Variants in AFF2 observed in about 807,000 individuals in gnomAD.
The protein encoded by AFF2 is AF4/FMR2 family member 2.
AFF2 carries 14 observed loss-of-function variants against 76.9 expected under a neutral mutation model. That is an observed-to-expected ratio of 0.18 (90% CI 0.12 to 0.28). The LOEUF (loss-of-function observed/expected upper bound fraction) is 0.28. Ranked by LOEUF, AFF2 falls within the 10% of genes least tolerant of loss-of-function variation. The pLI, the probability that AFF2 is intolerant of heterozygous loss-of-function variation, is 1.00. For synonymous variants in AFF2, 398 were observed against 366.7 expected, an observed-to-expected ratio of 1.09 and a Z score of -0.98; for missense variants, 868 against 1,001.1, an observed-to-expected ratio of 0.87 and a Z score of 1.79.
chrX:148,889,543 C>A (rs2124159991), intron 8 of AFF2, among the ~76,000 whole-genome samples: 1 of 112,263 alleles, frequency 8.9e-6, no homozygotes, highest in African/African-American at 3.2e-5. Flanking sequence ...GATATGTAAT[C>A]ACACATGTAC....
intron 4 of AFF2, among the ~76,000 whole-genome samples, chrX:148,825,590 G>GTTTT (rs3067275): frequency 1.0e-5 from 1 of 99,740 alleles, no homozygotes; most frequent in Non-Finnish European, 2.0e-5. Context: ...TAATAGAGTA[G>GTTTT]TTTTTTTTTT....
chrX:148,546,407 A>C (rs191223046), intron 1 of AFF2, among the ~76,000 whole-genome samples: 4 of 112,260 alleles, frequency 3.6e-5, no homozygotes, highest in African/African-American at 9.7e-5. Context: ...GCATGTGTGC[A>C]TGCACACACA....
At position 148,953,670 on chromosome X, in the gene AFF2, G is replaced by A. The variant is rs12011040; in HGVS notation, c.1488G>A (p.Ser496=). Residue 496 remains serine, a synonymous_variant, in exon 10 of 21, where the codon TCG becomes TCA. Transcript: ENST00000370460. ...SSSESESSSE[S]DSDTESSTTD... ...GCGAATCGGAGAGCAGCTCTGAGTC[G>A]GATTCAGACACTGAAAGTAGCACCA... The A allele has an allele frequency of 0.056, 67,293 of 1,208,514 alleles. 4,114 individuals carry two copies. The highest frequency in any genetic ancestry group is 0.4 in the African/African-American group (22,574 of 56,524).
At chrX:148,563,118 C>T (rs2053132483) in intron 1 of AFF2, among the ~76,000 whole-genome samples, 1 of 111,245 alleles carries the variant, frequency 9.0e-6, no homozygotes, top group African/African-American at 3.3e-5. Flanking sequence ...ACAAAAGGCC[C>T]TGAGGCAGGG....
intron 2 of AFF2, among the ~76,000 whole-genome samples, chrX:148,657,189 C>G (rs2054262308): frequency 8.9e-6 from 1 of 111,830 alleles, no homozygotes; most frequent in Non-Finnish European, 1.9e-5. Flanking sequence ...AGCTACTCTG[C>G]TGACTCACAT....
chrX:148,620,772 C>T (rs1253828815), intron 1 of AFF2, among the ~76,000 whole-genome samples: 7 of 111,627 alleles, frequency 6.3e-5, no homozygotes, highest in African/African-American at 2.3e-4. Flanking sequence ...AAAGGAAAAG[C>T]AGTGCCTCTT....
intron 9 of AFF2, among the ~76,000 whole-genome samples, chrX:148,904,999 G>A (rs1319812443): frequency 8.9e-6 from 1 of 111,752 alleles, no homozygotes; most frequent in African/African-American, 3.3e-5. Context: ...TATTTGCTGG[G>A]CTATTATAGG....
intron 15 of AFF2, among the ~76,000 whole-genome samples, chrX:148,968,520 A>G (rs1427477750): frequency 8.9e-6 from 1 of 111,880 alleles, no homozygotes; most frequent in African/African-American, 3.3e-5. Flanking sequence ...TCTCACTTTG[A>G]CTAAACCCCA....
chrX:148,688,987 T>C (rs1557260557), intron 3 of AFF2, among the ~76,000 whole-genome samples: 2 of 112,295 alleles, frequency 1.8e-5, no homozygotes, highest in African/African-American at 6.5e-5. Flanking sequence ...CCTTGTTGTA[T>C]TAGTTTGTTA....
chrX:148,967,124 G>A, intron 14 of AFF2, 45 bp downstream of exon 14: 1 of 1,190,999 alleles, frequency 8.4e-7, no homozygotes, highest in South Asian at 1.8e-5. Flanking sequence ...GTAGTGAATG[G>A]GGGGTGGGGG....
chrX:148,687,680 AT>A (rs1236379649), intron 3 of AFF2, among the ~76,000 whole-genome samples: 14 of 108,546 alleles, frequency 1.3e-4, no homozygotes, highest in Non-Finnish European at 2.3e-4. Flanking sequence ...TGCAATGTGG[AT>A]TTTTTTTTGG....
rs782628100 is a variant in AFF2 at position 148,987,422 on chromosome X, A to C, written c.3679A>C (p.Asn1227His). 4.1e-6 allele frequency: 5 copies of C among 1,209,081 alleles called. No individual in the cohort carries two copies. In the African/African-American group the frequency reaches 7.0e-5, roughly 17 times the overall value. ...NNVSPINAMG[N>H]CNNGPVTIPQ... ...CGTCTCCCCCATCAACGCAATGGGG[A>C]ACTGTAACAATGGCCCAGTCACCAT... is the stretch of plus-strand genomic sequence containing the variant. The change falls in exon 20 of 21, where the codon AAC (asparagine) becomes CAC (histidine). Residue 1227 changes from asparagine to histidine, a missense_variant. Around this residue, in one of 6 missense-constraint regions of AFF2, gnomAD observed 46 missense variants for 40.8 expected, o/e 1.13. Transcript: ENST00000370460.
chrX:148,930,267 C>T (rs2071697143), intron 9 of AFF2, among the ~76,000 whole-genome samples: 1 of 112,187 alleles, frequency 8.9e-6, no homozygotes, highest in African/African-American at 3.2e-5. Flanking sequence ...CCCTGGCCTA[C>T]AGTAAACATT....
Position 148,948,948 on chromosome X carries a change from G to T in AFF2, c.1398-4632G>T, listed in dbSNP as rs1475615173. 3.6e-5 allele frequency among the ~76,000 whole-genome samples: 4 copies of T among 111,155 alleles called. No individual in the cohort carries two copies. The Admixed American group carries it at 3.8e-4, about 11-fold the overall frequency. On this transcript the variant is annotated intron_variant, in intron 9 of 20. Transcript: ENST00000370460. The stretch of plus-strand genomic sequence containing the variant: ...TAGTGCATTCTTTCTGTGGTCAGCT[G>T]TAAGTTTTTAAAAGTATTTCCTGAT...
chrX:148,577,420 T>C (rs2053302204), intron 1 of AFF2, among the ~76,000 whole-genome samples: 1 of 112,322 alleles, frequency 8.9e-6, no homozygotes, highest in Non-Finnish European at 1.9e-5. Context: ...ATAAACCCTC[T>C]GGTTTCATAA....
At position 148,994,742 on chromosome X, in the gene AFF2, A is replaced by T. The variant is rs1220847308; in HGVS notation, c.*3410A>T. 2 of 112,412 alleles carry T rather than the reference A, an allele frequency of 1.8e-5. No individual in the cohort carries two copies. The highest frequency in any genetic ancestry group is 3.8e-5 in the Non-Finnish European group (2 of 53,282). The allele number at this position is 112,412 out of a possible 1,213,427, so 9.3% of individuals were successfully genotyped here. On this transcript the variant is annotated 3_prime_UTR_variant, in exon 21 of 21. Transcript: ENST00000370460. Reference sequence around the variant, plus strand: ...CTCTTCTAGCATATCTTTCCCAAAGATATCTAATTTGGATTCTGTTTCATG... The same window carrying T: ...CTCTTCTAGCATATCTTTCCCAAAGTTATCTAATTTGGATTCTGTTTCATG...
rs782236875 is a variant in AFF2 at position 148,508,828 on chromosome X, G to T, written c.47+7684G>T. 2.7e-5 allele frequency among the ~76,000 whole-genome samples: 3 copies of T among 111,432 alleles called. No homozygotes were observed. The South Asian group carries it at 1.1e-3, about 42-fold the overall frequency. ...TTTGCTGCCAAAGTGCTTGGCTTTG[G>T]TGTGTAGACGTTAATCAGGTCGTAG... On this transcript the variant is annotated intron_variant, in intron 1 of 20. Transcript: ENST00000370460.
intron 3 of AFF2, among the ~76,000 whole-genome samples, chrX:148,681,440 C>T (rs191149848): frequency 2.4e-4 from 27 of 110,350 alleles, no homozygotes; most frequent in Non-Finnish European, 4.2e-4. Context: ...GCGAAATTAA[C>T]TGAGAAATAT....
intron 3 of AFF2, among the ~76,000 whole-genome samples, chrX:148,700,821 G>A (rs1187228179): frequency 1.8e-5 from 2 of 110,990 alleles, no homozygotes; most frequent in Non-Finnish European, 3.8e-5. Context: ...AATTTAATTG[G>A]CAAGCAAATG....
Sources: gnomAD v4.1 joint callset for allele counts (sites outside exome capture counted in the v4.1 genomes callset) on GRCh38, gnomAD v4.1.1 for gene constraint, gnomAD v4.1.1 regional missense constraint, MANE v1.5 for transcripts, NCBI Gene and HGNC (gene_info 2026-07-23, HGNC 2026-07-21) for gene names.